Variants in SGCZ observed in about 807,000 individuals in gnomAD.
The protein encoded by SGCZ is zeta-sarcoglycan.
A neutral mutation model predicts 41.3 loss-of-function variants in SGCZ; 40 were observed. The observed-to-expected ratio is 0.97, with a 90% CI of 0.75 to 1.26. The LOEUF (loss-of-function observed/expected upper bound fraction) is 1.26, where lower values mean the gene tolerates loss of function less well. Ranked by LOEUF, SGCZ falls within the 50% of genes most tolerant of loss-of-function variation. The pLI is 0.00. For missense variants in SGCZ, 552 were observed against 369.8 expected, an observed-to-expected ratio of 1.49 and a Z score of -4.04; for synonymous variants, 206 against 137.5, an observed-to-expected ratio of 1.50 and a Z score of -3.49.
intron 1 of SGCZ, among the ~76,000 whole-genome samples, chr8:14,958,726 G>A (rs930283860): frequency 1.3e-5 from 2 of 151,952 alleles, no homozygotes; most frequent in East Asian, 1.9e-4. Flanking sequence ...TATCTCAAAA[G>A]TATAAAAACT....
intron 4 of SGCZ, among the ~76,000 whole-genome samples, chr8:14,236,003 T>A (rs1806746006): frequency 6.6e-6 from 1 of 152,126 alleles, no homozygotes; most frequent in Non-Finnish European, 1.5e-5. Flanking sequence ...ATTTTGACAT[T>A]TCTACTAAGA....
intron 1 of SGCZ, among the ~76,000 whole-genome samples, chr8:14,595,615 T>C (rs1393982113): frequency 6.6e-6 from 1 of 152,184 alleles, no homozygotes; most frequent in African/African-American, 2.4e-5. Context: ...CAGTTTGTTT[T>C]GCATCCTCAT....
chr8:15,073,175 T>C (rs1194664341), intron 1 of SGCZ, among the ~76,000 whole-genome samples: 1 of 152,156 alleles, frequency 6.6e-6, no homozygotes, highest in Non-Finnish European at 1.5e-5. Flanking sequence ...GCAATCATGC[T>C]GTGTCATGGT....
intron 1 of SGCZ, among the ~76,000 whole-genome samples, chr8:14,707,722 T>A (rs924001549): frequency 6.6e-6 from 1 of 152,040 alleles, no homozygotes; most frequent in Non-Finnish European, 1.5e-5. Flanking sequence ...AAATGAACAA[T>A]TGTTAGAAAG....
intron 2 of SGCZ, among the ~76,000 whole-genome samples, chr8:14,479,222 A>G (rs1411185966): frequency 6.6e-6 from 1 of 152,232 alleles, no homozygotes; most frequent in Non-Finnish European, 1.5e-5. Context: ...GCTGAAGGCC[A>G]GAGAGCCCCT....
chr8:15,094,205 G>C (rs115739369), intron 1 of SGCZ, among the ~76,000 whole-genome samples: 1 of 151,930 alleles, frequency 6.6e-6, no homozygotes, highest in African/African-American at 2.4e-5. Context: ...TGTGATCTTG[G>C]CTCACTGCTA....
At chr8:14,572,285 A>G (rs1454772555) in intron 1 of SGCZ, among the ~76,000 whole-genome samples, 1 of 152,170 alleles carries the variant, frequency 6.6e-6, no homozygotes, top group Non-Finnish European at 1.5e-5. Context: ...AAATGAAGTA[A>G]TTTATTCATA....
intron 4 of SGCZ, among the ~76,000 whole-genome samples, chr8:14,176,518 T>G (rs1804546124): frequency 6.6e-6 from 1 of 152,234 alleles, no homozygotes; most frequent in Admixed American, 6.5e-5. Context: ...AAGAAATGTA[T>G]GTCCTCAAAT....
At chr8:14,586,419 G>C (rs1805059500) in intron 1 of SGCZ, among the ~76,000 whole-genome samples, 1 of 152,022 alleles carries the variant, frequency 6.6e-6, no homozygotes, top group Non-Finnish European at 1.5e-5. Context: ...TTTCCATGTT[G>C]GCCAGGCTGG....
Position 14,282,847 on chromosome 8 carries a change from C to CTTTTTTTTT in SGCZ, c.336+41247_336+41255dup, listed in dbSNP as rs1168778028. On this transcript the variant is annotated intron_variant, in intron 3 of 7. Coordinates refer to ENST00000382080, the MANE Select transcript of SGCZ (RefSeq NM_139167.4). The stretch of plus-strand genomic sequence containing the variant: ...CATTATAATCATTCTCTTTCAAATA[C>CTTTTTTTTT]TTTTTTTTTTTTTTTTTTTTGAGAC... 2.5e-3 allele frequency among the ~76,000 whole-genome samples: 228 copies of CTTTTTTTTT among 89,900 alleles called. 20 individuals carry two copies. Among genetic ancestry groups the CTTTTTTTTT allele is most frequent in the African/African-American group, 6.8e-3 (149 of 21,958 alleles). The allele number at this position is 89,900 out of a possible 152,430, so 59.0% of individuals were successfully genotyped here.
intron 1 of SGCZ, among the ~76,000 whole-genome samples, chr8:14,865,172 G>A (rs1051917370): frequency 4.6e-5 from 7 of 151,848 alleles, no homozygotes; most frequent in African/African-American, 1.2e-4. Context: ...AAGGTCCACC[G>A]TCACGTGACT....
At chr8:14,319,708 A>G (rs1377289634) in intron 3 of SGCZ, among the ~76,000 whole-genome samples, 1 of 152,028 alleles carries the variant, frequency 6.6e-6, no homozygotes, top group Non-Finnish European at 1.5e-5. Flanking sequence ...AAATTTGCAG[A>G]ACTGAATGTA....
intron 1 of SGCZ, among the ~76,000 whole-genome samples, chr8:14,726,373 C>A (rs1810058328): frequency 7.3e-6 from 1 of 136,490 alleles, no homozygotes; most frequent in African/African-American, 2.6e-5. Flanking sequence ...ATTTCAGTTA[C>A]ATGACAGACA....
At chr8:14,870,417 C>T (rs778355451) in intron 1 of SGCZ, among the ~76,000 whole-genome samples, 1 of 152,112 alleles carries the variant, frequency 6.6e-6, no homozygotes, top group Non-Finnish European at 1.5e-5. Flanking sequence ...CTTTCTTACA[C>T]CTTATATAAA....
intron 1 of SGCZ, among the ~76,000 whole-genome samples, chr8:14,771,398 G>A (rs1184741230): frequency 6.6e-6 from 1 of 152,078 alleles, no homozygotes; most frequent in Non-Finnish European, 1.5e-5. Context: ...AGTGTATTGA[G>A]CTTCACATGG....
intron 5 of SGCZ, among the ~76,000 whole-genome samples, chr8:14,124,017 T>C (rs974042162): frequency 7.2e-5 from 11 of 151,974 alleles, no homozygotes; most frequent in Non-Finnish European, 1.0e-4. Flanking sequence ...ATGATGAGGG[T>C]CTTTAGGAGC....
intron 1 of SGCZ, among the ~76,000 whole-genome samples, chr8:14,803,097 G>C (rs532952264): frequency 6.6e-6 from 1 of 152,204 alleles, no homozygotes; most frequent in Admixed American, 6.5e-5. Flanking sequence ...TGGGGCCTCA[G>C]GCAGTCACTG....
At chr8:14,128,442 A>T (rs1420709194) in intron 5 of SGCZ, among the ~76,000 whole-genome samples, 2 of 152,206 alleles carry the variant, frequency 1.3e-5, no homozygotes, top group Admixed American at 6.5e-5. Context: ...ACGCTTATAC[A>T]CTGTTGGTGG....
chr8:14,788,757 T>A (rs1451944261), intron 1 of SGCZ, among the ~76,000 whole-genome samples: 6 of 152,084 alleles, frequency 3.9e-5, no homozygotes, highest in African/African-American at 1.4e-4. Flanking sequence ...CTGCAAGAAA[T>A]AAAGCGCTAG....
Sources: gnomAD v4.1 joint callset for allele counts (sites outside exome capture counted in the v4.1 genomes callset) on GRCh38, gnomAD v4.1.1 for gene constraint, MANE v1.5 for transcripts, NCBI Gene and HGNC (gene_info 2026-07-23, HGNC 2026-07-21) for gene names.